Variants in EFHC1 observed in about 807,000 individuals in gnomAD.
EFHC1 encodes EF-hand domain containing 1.
In EFHC1, 53 loss-of-function variants were observed where a neutral mutation model predicts 69.9. The observed-to-expected ratio is 0.76, with a 90% CI of 0.61 to 0.95. The LOEUF (loss-of-function observed/expected upper bound fraction) is 0.95, where lower values mean the gene tolerates loss of function less well. Ranked by LOEUF, EFHC1 falls within the 40% of genes least tolerant of loss-of-function variation. The pLI is 0.00. For missense variants in EFHC1, 739 were observed against 798.7 expected (o/e 0.93, Z 0.90); for synonymous variants, 256 against 278.4 (o/e 0.92, Z 0.80).
chr6:52,454,358 T>C, intron 5 of EFHC1, 71 bp downstream of exon 5: 2 of 1,595,074 alleles, frequency 1.3e-6, no homozygotes, highest in Admixed American at 1.7e-5. Context: ...ACTTAATCAG[T>C]ATGCAAAATT....
intron 9 of EFHC1, chr6:52,483,155 T>C (rs1765715494): frequency 6.7e-6 from 2 of 299,234 alleles, no homozygotes; most frequent in Non-Finnish European, 6.1e-6. Flanking sequence ...ACTAAAGTCC[T>C]GACAGATAAG....
At chr6:52,420,856 C>A (rs1275492994) in intron 1 of EFHC1, among the ~76,000 whole-genome samples, 3 of 152,078 alleles carry the variant, frequency 2.0e-5, no homozygotes, top group Non-Finnish European at 4.4e-5. Flanking sequence ...TGGGCCCTCT[C>A]CCTAGCTCGT....
intron 8 of EFHC1, 133 bp downstream of exon 8, chr6:52,479,383 T>C: frequency 9.2e-7 from 1 of 1,084,152 alleles, no homozygotes; most frequent in Non-Finnish European, 1.4e-6. Context: ...TCCTTGTATA[T>C]ATGGTATAAT....
intron 3 of EFHC1, among the ~76,000 whole-genome samples, chr6:52,439,834 C>T (rs1174560417): frequency 6.6e-6 from 1 of 152,086 alleles, no homozygotes; most frequent in Non-Finnish European, 1.5e-5. Context: ...GAGATATTCT[C>T]CCGTTCCAAC....
intron 1 of EFHC1, chr6:52,421,138 C>A: frequency 1.3e-6 from 1 of 778,368 alleles, no homozygotes; most frequent in Non-Finnish European, 1.6e-6. Context: ...ACATTTTCCA[C>A]AATTTAGTCC....
intron 2 of EFHC1, among the ~76,000 whole-genome samples, chr6:52,435,287 A>T (rs962014955): frequency 6.6e-6 from 1 of 152,188 alleles, no homozygotes; most frequent in Admixed American, 6.5e-5. Flanking sequence ...AATCTTCTTC[A>T]TATCAATTTG....
At chr6:52,459,450 A>G (rs571645929) in intron 5 of EFHC1, among the ~76,000 whole-genome samples, 1 of 152,360 alleles carries the variant, frequency 6.6e-6, no homozygotes, top group Non-Finnish European at 1.5e-5. Context: ...AAGTTAGCAC[A>G]CAAAAATATA....
At chr6:52,456,011 A>C (rs1765036456) in intron 5 of EFHC1, among the ~76,000 whole-genome samples, 1 of 152,254 alleles carries the variant, frequency 6.6e-6, no homozygotes. Context: ...CATGCAAAAC[A>C]TAGTACACGT....
chr6:52,440,386 A>G (rs573710951), intron 3 of EFHC1, among the ~76,000 whole-genome samples: 5 of 152,092 alleles, frequency 3.3e-5, no homozygotes, highest in Non-Finnish European at 7.4e-5. Context: ...GTGCTTAGGA[A>G]CACTAAATAG....
chr6:52,455,558 G>T (rs1765026317), intron 5 of EFHC1, among the ~76,000 whole-genome samples: 1 of 152,198 alleles, frequency 6.6e-6, no homozygotes, highest in East Asian at 1.9e-4. Flanking sequence ...GGAGGCTGAG[G>T]CAGGAGAATT....
At chr6:52,421,075 TTCCTTTCTTCTTTA>T (rs1404494379) in intron 1 of EFHC1, 5 of 989,106 alleles carry the variant, frequency 5.1e-6, no homozygotes, top group Non-Finnish European at 6.0e-6. Flanking sequence ...CCAGGTCTTT[TTCCTTTCTTCTTTA>T]TGCTTGCATC....
At chr6:52,452,976 T>A in intron 4 of EFHC1, 139 bp downstream of exon 4, 13 of 1,576,812 alleles carry the variant, frequency 8.2e-6, no homozygotes, top group Non-Finnish European at 1.1e-5. Flanking sequence ...CACAGTACTG[T>A]CTTTCTGCTT....
At chr6:52,444,566 G>C (rs1764737686) in intron 3 of EFHC1, among the ~76,000 whole-genome samples, 1 of 152,106 alleles carries the variant, frequency 6.6e-6, no homozygotes, top group Admixed American at 6.5e-5. Flanking sequence ...TTTGTCTTTG[G>C]TTCCGTTTAT....
At chr6:52,456,211 G>C (rs1765041321) in intron 5 of EFHC1, among the ~76,000 whole-genome samples, 1 of 152,088 alleles carries the variant, frequency 6.6e-6, no homozygotes. Flanking sequence ...GAAACAACTG[G>C]ATCTGTGCCC....
intron 7 of EFHC1, among the ~76,000 whole-genome samples, chr6:52,478,780 G>T (rs1035397834): frequency 1.3e-5 from 2 of 152,210 alleles, no homozygotes; most frequent in Non-Finnish European, 2.9e-5. Context: ...AAAACTGAAA[G>T]ATCTAGCAAC....
chr6:52,438,682 C>A, intron 3 of EFHC1, 91 bp downstream of exon 3: 1 of 1,367,344 alleles, frequency 7.3e-7, no homozygotes, highest in Non-Finnish European at 1.0e-6. Flanking sequence ...AAGGGGAGGA[C>A]ATTGGTAATC....
In EFHC1 at chr6:52,492,771, T is replaced by C. The variant is rs1479108099; in HGVS notation, c.*430T>C. ...CTGGGACAACAGGCTCAAGCCACCA[T>C]GCCCAGCTAATTTTTAAAATTATTT... On this transcript the variant is annotated 3_prime_UTR_variant, in exon 11 of 11. Coordinates refer to ENST00000371068, the MANE Select transcript of EFHC1 (RefSeq NM_018100.4). 2.3e-6 allele frequency: 1 copy of C among 441,508 alleles called. No homozygotes were observed. The allele number at this position is 441,508 out of a possible 1,614,324, so 27.3% of individuals were successfully genotyped here.
intron 9 of EFHC1, chr6:52,482,316 C>T (rs957953073): frequency 2.0e-5 from 3 of 151,032 alleles, no homozygotes; most frequent in Admixed American, 2.0e-4. Flanking sequence ...GCACTCCAGC[C>T]TGGGCGACAG....
At chr6:52,476,826 G>A (rs1765554884) in intron 7 of EFHC1, among the ~76,000 whole-genome samples, 2 of 152,160 alleles carry the variant, frequency 1.3e-5, no homozygotes, top group Non-Finnish European at 2.9e-5. Flanking sequence ...TCCTGGATGG[G>A]ATCCTGAAAC....
Sources: gnomAD v4.1 joint callset for allele counts (sites outside exome capture counted in the v4.1 genomes callset) on GRCh38, gnomAD v4.1.1 for gene constraint, MANE v1.5 for transcripts, NCBI Gene and HGNC (gene_info 2026-07-23, HGNC 2026-07-21) for gene names.